Variants in MERTK observed in about 807,000 individuals in gnomAD.
MERTK encodes MER proto-oncogene, tyrosine kinase, also known as tyrosine-protein kinase Mer.
In MERTK, 69 loss-of-function variants were observed where a neutral mutation model predicts 99.3. The ratio of observed to expected loss-of-function variants is 0.70; its 90% CI spans 0.57 to 0.85. The LOEUF is 0.85. Ranked by LOEUF, MERTK falls within the 40% of genes least tolerant of loss-of-function variation. The pLI is 0.00. For missense variants in MERTK, 1,125 were observed against 1,249.4 expected (o/e 0.90, Z 1.50); for synonymous variants, 426 against 467.6 (o/e 0.91, Z 1.15).
At chr2:111,998,872 T>C (rs1676808823) in intron 10 of MERTK, among the ~76,000 whole-genome samples, 1 of 152,230 alleles carries the variant, frequency 6.6e-6, no homozygotes, top group Non-Finnish European at 1.5e-5. Context: ...TAACAGGTTA[T>C]TGTTATCTAT....
chr2:111,900,049 G>C (rs1458173159), intron 1 of MERTK, among the ~76,000 whole-genome samples: 1 of 152,056 alleles, frequency 6.6e-6, no homozygotes, highest in East Asian at 1.9e-4. Flanking sequence ...CAGCTAAAAG[G>C]TTTCTATTTC....
chr2:111,987,073 G>A (rs185205603), intron 8 of MERTK, among the ~76,000 whole-genome samples: 1 of 152,220 alleles, frequency 6.6e-6, no homozygotes, highest in East Asian at 1.9e-4. Flanking sequence ...AAAATTATCC[G>A]TTCATTTTCA....
chr2:111,994,359 G>A lies in MERTK; in HGVS notation c.1405G>A (p.Val469Ile), dbSNP rs79943145. 1 of 1,614,200 alleles carries A rather than the reference G, an allele frequency of 6.2e-7. No individual in the cohort carries two copies. The highest frequency in any genetic ancestry group is 1.3e-5 in the African/African-American group (1 of 75,050). Residue 469 changes from valine (V) to isoleucine (I), a missense_variant, in exon 9 of 19, where the codon GTT (valine) becomes ATT (isoleucine). Coordinates refer to ENST00000295408, the MANE Select transcript of MERTK (RefSeq NM_006343.3). ...VRIAAVTRGG[V>I]GPFSDPVKIF... Reference sequence around the variant, plus strand: ...GATTGCAGCCGTCACCAGAGGGGGAGTTGGGCCCTTCAGTGATCCAGTGAA... The same window carrying A: ...GATTGCAGCCGTCACCAGAGGGGGAATTGGGCCCTTCAGTGATCCAGTGAA...
chr2:111,997,959 C>T (rs578197375), intron 10 of MERTK, among the ~76,000 whole-genome samples: 1 of 152,142 alleles, frequency 6.6e-6, no homozygotes, highest in East Asian at 1.9e-4. Flanking sequence ...GGCTGAGGCA[C>T]AGGAATTGCT....
At chr2:112,025,932 C>T (rs1677451843) in intron 18 of MERTK, among the ~76,000 whole-genome samples, 1 of 152,216 alleles carries the variant, frequency 6.6e-6, no homozygotes, top group South Asian at 2.1e-4. Flanking sequence ...ATCTGAAAGT[C>T]TCTACCCATT....
intron 1 of MERTK, among the ~76,000 whole-genome samples, chr2:111,914,101 C>CTTTCT (rs1558769190): frequency 1.1e-4 from 10 of 94,444 alleles, no homozygotes; most frequent in African/African-American, 3.8e-4. Context: ...TTCTTTCTTT[C>CTTTCT]TTTTTTTTTT....
chr2:111,914,481 G>T (rs1293897756), intron 1 of MERTK, among the ~76,000 whole-genome samples: 5 of 152,106 alleles, frequency 3.3e-5, no homozygotes, highest in African/African-American at 1.2e-4. Context: ...GTTTCACCAT[G>T]TTGGCCATGC....
chr2:111,961,230 C>T (rs533450239), intron 4 of MERTK, among the ~76,000 whole-genome samples: 9 of 132,972 alleles, frequency 6.8e-5, no homozygotes, highest in Non-Finnish European at 1.4e-4. Flanking sequence ...GGTGTGATCT[C>T]GGCTCACTGC....
At chr2:112,019,549 G>A in intron 16 of MERTK, 27 bp downstream of exon 16, 1 of 1,529,852 alleles carries the variant, frequency 6.5e-7, no homozygotes, top group Admixed American at 1.7e-5. Context: ...ATCCTGGAAG[G>A]GTTTGGACCT....
At position 112,019,482 on chromosome 2, in the gene MERTK, A is replaced by G. The variant is rs1033920088; in HGVS notation, c.2149A>G (p.Arg717Gly). The G allele has an allele frequency of 4.3e-6, 7 of 1,614,006 alleles. No individual in the cohort carries two copies. The highest frequency in any genetic ancestry group is 5.1e-6 in the Non-Finnish European group (6 of 1,179,880). Residue 717 changes from arginine (R) to glycine (G), a missense_variant, in exon 16 of 19, where the codon AGG becomes GGG. Arg to Gly is a moderately radical substitution (Grantham distance 125). Transcript: ENST00000295408. ...CCTGGGAATGGAGTATCTGAGCAACAGGAATTTTCTTCATCGAGATTTAGC... is the reference window on the plus strand; with the variant it reads ...CCTGGGAATGGAGTATCTGAGCAACGGGAATTTTCTTCATCGAGATTTAGC... ...IALGMEYLSN[R>G]NFLHRDLAAR... is the part of the protein sequence containing the mutation.
At position 111,906,151 on chromosome 2, in the gene MERTK, C is replaced by T. The variant is rs72823478; in HGVS notation, c.61+7355C>T. On this transcript the variant is annotated intron_variant, in intron 1 of 18. Transcript: ENST00000295408. Reference sequence around the variant, plus strand: ...AGGGTTAGTGCTCTGCCCTAGGTCACTCCAGTAGGGGTCCATCCTCCGGAT... The same window carrying T: ...AGGGTTAGTGCTCTGCCCTAGGTCATTCCAGTAGGGGTCCATCCTCCGGAT... Among the ~76,000 whole-genome samples the T allele has an allele frequency of 9.3e-3, 1,412 of 152,322 alleles. 9 individuals carry two copies. The highest frequency in any genetic ancestry group is 0.015 in the Non-Finnish European group (1,013 of 68,030).
intron 15 of MERTK, among the ~76,000 whole-genome samples, chr2:112,013,006 G>A (rs1271983412): frequency 6.6e-6 from 1 of 152,086 alleles, no homozygotes; most frequent in East Asian, 1.9e-4. Context: ...GTGTGTGATG[G>A]AGGGGAGGGT....
chr2:111,981,665 AT>A (rs1676373078), intron 7 of MERTK, among the ~76,000 whole-genome samples: 1 of 152,138 alleles, frequency 6.6e-6, no homozygotes, highest in Non-Finnish European at 1.5e-5. Flanking sequence ...TAGTTAAGTT[AT>A]TCTCTCCCAA....
At chr2:111,973,800 A>G (rs2104731879) in intron 6 of MERTK, among the ~76,000 whole-genome samples, 1 of 152,154 alleles carries the variant, frequency 6.6e-6, no homozygotes, top group East Asian at 1.9e-4. Context: ...GAGGAAAGAG[A>G]TGGAAGTTTC....
chr2:112,008,424 G>A lies in MERTK; in HGVS notation c.1909G>A (p.Glu637Lys). 1.2e-6 allele frequency: 2 copies of A among 1,614,142 alleles called. No individual in the cohort carries two copies. The highest frequency in any genetic ancestry group is 1.7e-6 in the Non-Finnish European group (2 of 1,180,022). The change falls in exon 14 of 19, where the codon GAG becomes AAG. Residue 637 changes from glutamate to lysine, a missense_variant. Coordinates refer to ENST00000295408, the MANE Select transcript of MERTK (RefSeq NM_006343.3). ...SQREIEEFLS[E>K]AACMKDFSHP... ...GCGGGAGATCGAGGAGTTTCTCAGTGAGGCAGCGTGCATGAAAGACTTCAG... is the reference window on the plus strand; with the variant it reads ...GCGGGAGATCGAGGAGTTTCTCAGTAAGGCAGCGTGCATGAAAGACTTCAG...
At chr2:111,976,882 T>A (rs1163422171) in intron 7 of MERTK, among the ~76,000 whole-genome samples, 1 of 152,118 alleles carries the variant, frequency 6.6e-6, no homozygotes, top group Middle Eastern at 3.2e-3. Context: ...ATTCACAGTG[T>A]ACATATTTAA....
chr2:111,958,641 A>G (rs2104715344), intron 4 of MERTK, among the ~76,000 whole-genome samples: 1 of 152,220 alleles, frequency 6.6e-6, no homozygotes, highest in Admixed American at 6.5e-5. Flanking sequence ...TTGTGCTAGG[A>G]CATTTGCTAT....
chr2:112,000,712 T>TC (rs1299165441), intron 10 of MERTK, among the ~76,000 whole-genome samples: 2 of 152,106 alleles, frequency 1.3e-5, no homozygotes, highest in East Asian at 1.9e-4. Flanking sequence ...AGTTATTTTT[T>TC]CTCCCTTTCC....
intron 10 of MERTK, among the ~76,000 whole-genome samples, chr2:112,000,756 G>A (rs1343779412): frequency 6.6e-6 from 1 of 152,068 alleles, no homozygotes; most frequent in South Asian, 2.1e-4. Context: ...ACTATGCATA[G>A]CCCATATTGA....
Sources: allele counts gnomAD v4.1 joint callset (sites outside exome capture counted in the v4.1 genomes callset), GRCh38; gene constraint gnomAD v4.1.1; transcripts MANE v1.5; gene names NCBI Gene and HGNC (gene_info 2026-07-23, HGNC 2026-07-21).